The following ERN1 variants were observed in gnomAD, a reference collection of about 807,000 sequenced individuals.
ERN1 encodes endoplasmic reticulum to nucleus signaling 1, also known as serine/threonine-protein kinase/endoribonuclease IRE1.
A neutral mutation model predicts 113.1 loss-of-function variants in ERN1; 39 were observed. The observed-to-expected ratio is 0.34, with a 90% CI of 0.27 to 0.45. The LOEUF (loss-of-function observed/expected upper bound fraction) is 0.45. Among genes scored for constraint, ERN1 ranks in the 20% least tolerant of loss-of-function variants. ERN1 has a pLI of 1.00. For synonymous variants in ERN1, 507 were observed against 515.9 expected (o/e 0.98, Z 0.23); for missense variants, 976 against 1,274.8 (o/e 0.77, Z 3.57).
rs115708882 is a variant in ERN1, at chr17:64,074,632, C to T, written c.355+543G>A. 4.1e-3 allele frequency among the ~76,000 whole-genome samples: 620 copies of T among 152,316 alleles called. 3 individuals carry two copies. The highest frequency in any genetic ancestry group is 0.014 in the African/African-American group (586 of 41,558). On this transcript the variant is annotated intron_variant, in intron 5 of 21. Transcript: ENST00000433197. ...TGCTACTATGATTTCAAGATAAATA[C>T]AGCTCTCCTTTGTGTTGCAAATGCT...
intron 10 of ERN1, among the ~76,000 whole-genome samples, chr17:64,061,894 G>A (rs1291930325): frequency 6.6e-6 from 1 of 152,232 alleles, no homozygotes; most frequent in African/African-American, 2.4e-5. Context: ...GGTCCTACCT[G>A]TCTGGTAGGA....
intron 1 of ERN1, among the ~76,000 whole-genome samples, chr17:64,101,748 G>A (rs1279138380): frequency 6.6e-6 from 1 of 152,132 alleles, no homozygotes; most frequent in Admixed American, 6.5e-5. Context: ...ATGCATCCAA[G>A]AATAAGAAGA....
intron 2 of ERN1, among the ~76,000 whole-genome samples, chr17:64,091,021 G>A (rs1303008153): frequency 6.6e-6 from 1 of 152,192 alleles, no homozygotes; most frequent in African/African-American, 2.4e-5. Flanking sequence ...CAACAATGAA[G>A]AGGAAATAAA....
rs1309063467 is a variant in ERN1 at position 64,049,142 on chromosome 17, T to C, written c.2314A>G (p.Ser772Gly). ...CVFYYVISEG[S>G]HPFGKSLQRQ... ...TGCAGGGACTTGCCAAAAGGGTGGC[T>C]GCCCTCAGAGATTACGTAGTAAAAG... is the stretch of plus-strand genomic sequence containing the variant. Residue 772 changes from serine (S) to glycine (G), a missense_variant, in exon 18 of 22, where the codon AGC becomes GGC. Ser to Gly is a moderately conservative substitution (Grantham distance 56, BLOSUM62 0). Around this residue, in one of 5 missense-constraint regions of ERN1, gnomAD observed 297 missense variants for 457.8 expected, o/e 0.65. Transcript: ENST00000433197. The surrounding 1 kb of genome is among the most constrained non-coding windows in gnomAD (Gnocchi z 4.7). 1 of 1,610,042 alleles carries C rather than the reference T, an allele frequency of 6.2e-7. No homozygotes were observed. The highest frequency in any genetic ancestry group is 1.3e-5 in the African/African-American group (1 of 74,958).
In ERN1 at chr17:64,049,301, G is replaced by A; in HGVS notation, c.2254-99C>T. The A allele has an allele frequency of 7.9e-7, 1 of 1,271,488 alleles. No homozygotes were observed. Among genetic ancestry groups the A allele is most frequent in the East Asian group, 2.6e-5 (1 of 38,572 alleles). 78.8% of individuals were successfully genotyped at this position (1,271,488 alleles called of 1,614,324 possible). ...GCATTGCTGCTGCTTCTGCCACCTAGAAGGTGTCCTGGGAGAATCAGCTGA... is the reference window on the plus strand; with the variant it reads ...GCATTGCTGCTGCTTCTGCCACCTAAAAGGTGTCCTGGGAGAATCAGCTGA... On this transcript the variant is annotated intron_variant, in intron 17 of 21. Coordinates refer to ENST00000433197, the MANE Select transcript of ERN1 (RefSeq NM_001433.5). This position sits in a 1 kb window ranked among gnomAD's most constrained non-coding sequence, Gnocchi z 4.7.
At chr17:64,112,549 A>G (rs993978169) in intron 1 of ERN1, among the ~76,000 whole-genome samples, 1 of 152,204 alleles carries the variant, frequency 6.6e-6, no homozygotes, top group African/African-American at 2.4e-5. Flanking sequence ...CCTGAGCAGT[A>G]TAATGTGGTT....
In ERN1 at chr17:64,045,723, A is replaced by G. The variant is rs150294281; in HGVS notation, c.2530-241T>C. On this transcript the variant is annotated intron_variant, in intron 19 of 21. Transcript: ENST00000433197. ...GAGAGGTGTCACAGAGTACACCTGCATATAGACCACGAACGCATACCCTGA... is the reference window on the plus strand; with the variant it reads ...GAGAGGTGTCACAGAGTACACCTGCGTATAGACCACGAACGCATACCCTGA... Among the ~76,000 whole-genome samples, 137 of 152,310 alleles carry G rather than the reference A, an allele frequency of 9.0e-4. 2 individuals are homozygous for G. The highest frequency in any genetic ancestry group is 2.8e-3 in the African/African-American group (115 of 41,562).
chr17:64,106,793 A>T (rs1351913270), intron 1 of ERN1, among the ~76,000 whole-genome samples: 1 of 147,100 alleles, frequency 6.8e-6, no homozygotes, highest in African/African-American at 2.5e-5. Flanking sequence ...CTCATAGGAC[A>T]CCAGTCCTAC....
Position 64,083,205 on chromosome 17 carries a change from G to C in ERN1, c.176-2397C>G, listed in dbSNP as rs576761785. ...TTAAAGATGAGACACGGGAACACTG[G>C]AGTGTTATTTTACTACTCTCTGTAC... On this transcript the variant is annotated intron_variant, in intron 2 of 21. Transcript: ENST00000433197. Among the ~76,000 whole-genome samples the C allele has an allele frequency of 3.3e-5, 5 of 152,230 alleles. No individual in the cohort carries two copies. The East Asian group carries it at 9.6e-4, about 29-fold the overall frequency.
chr17:64,048,621 G>A (rs1912586312), intron 18 of ERN1, among the ~76,000 whole-genome samples: 2 of 152,156 alleles, frequency 1.3e-5, no homozygotes, highest in African/African-American at 4.8e-5. Flanking sequence ...CATACCAGGA[G>A]ACCAGGAGGG....
intron 2 of ERN1, among the ~76,000 whole-genome samples, chr17:64,094,537 G>GGGTC (rs1914176817): frequency 6.6e-6 from 1 of 151,752 alleles, no homozygotes; most frequent in Non-Finnish European, 1.5e-5. Flanking sequence ...TGCCCTGTAT[G>GGGTC]ACTGGCCCAT....
At chr17:64,108,688 AC>A (rs1297563119) in intron 1 of ERN1, among the ~76,000 whole-genome samples, 3 of 152,336 alleles carry the variant, frequency 2.0e-5, no homozygotes, top group African/African-American at 7.2e-5. Flanking sequence ...AGGCTAATTT[AC>A]TTTAATGGAG....
intron 16 of ERN1, 85 bp from the exon 17 acceptor site, chr17:64,053,064 C>A: frequency 8.7e-7 from 1 of 1,148,522 alleles, no homozygotes; most frequent in East Asian, 2.6e-5. Context: ...TCGTCAGACT[C>A]CCAATATGCC....
At chr17:64,068,423 G>C in intron 6 of ERN1, 132 bp from the exon 7 acceptor site, 3 of 650,030 alleles carry the variant, frequency 4.6e-6, no homozygotes, top group Non-Finnish European at 8.3e-6. Context: ...TATCCATGTC[G>C]ATAGAGAAAG....
chr17:64,084,505 GA>G (rs1341107946), intron 2 of ERN1, among the ~76,000 whole-genome samples: 1 of 147,644 alleles, frequency 6.8e-6, no homozygotes, highest in Non-Finnish European at 1.5e-5. Context: ...TAAGCTCGTG[GA>G]GCCTCAATTT....
At chr17:64,115,040 G>A (rs186294130) in intron 1 of ERN1, among the ~76,000 whole-genome samples, 44 of 152,256 alleles carry the variant, frequency 2.9e-4, no homozygotes, top group Non-Finnish European at 5.3e-4. Context: ...GAAGGGTTGA[G>A]GAGTTAAACC....
At chr17:64,106,400 G>C (rs1914527428) in intron 1 of ERN1, among the ~76,000 whole-genome samples, 1 of 152,188 alleles carries the variant, frequency 6.6e-6, no homozygotes, top group Non-Finnish European at 1.5e-5. Flanking sequence ...TAAGGAATTA[G>C]AGCTTATAAT....
chr17:64,066,030 G>C (rs1168864784), intron 8 of ERN1, among the ~76,000 whole-genome samples: 1 of 152,086 alleles, frequency 6.6e-6, no homozygotes, highest in Non-Finnish European at 1.5e-5. Context: ...TATCTTGTTT[G>C]ATCTTCCACA....
intron 4 of ERN1, 93 bp from the exon 5 acceptor site, chr17:64,075,340 C>G (rs1913559825): frequency 8.9e-7 from 1 of 1,120,680 alleles, no homozygotes; most frequent in Admixed American, 3.2e-5. Context: ...TTACCTAATT[C>G]TGCTAAAAAG....
Sources: allele counts gnomAD v4.1 joint callset (sites outside exome capture counted in the v4.1 genomes callset), GRCh38; gene constraint gnomAD v4.1.1; regional missense constraint gnomAD v4.1.1; non-coding constraint Gnocchi (gnomAD v3.1); transcripts MANE v1.5; gene names NCBI Gene and HGNC (gene_info 2026-07-23, HGNC 2026-07-21).